PTGES3L: variants seen among roughly 807,000 people sequenced by gnomAD.
PTGES3L encodes the protein putative protein PTGES3L.
PTGES3L carries 17 observed loss-of-function variants against 25.0 expected under a neutral mutation model. That is an observed-to-expected ratio of 0.68 (90% CI 0.47 to 1.02). The LOEUF (loss-of-function observed/expected upper bound fraction) is 1.02. Ranked by LOEUF, PTGES3L falls within the 50% of genes least tolerant of loss-of-function variation. The pLI is 0.00. For missense variants in PTGES3L, 202 were observed against 197.5 expected (o/e 1.02, Z -0.14); for synonymous variants, 59 against 65.7 (o/e 0.90, Z 0.50).
chr17:42,979,600 C>T lies in PTGES3L; in HGVS notation c.72G>A (p.Glu24=). The change falls in exon 2 of 7, where the codon GAG becomes GAA. Residue 24 remains glutamate (E), a synonymous_variant. Coordinates refer to ENST00000591916, the MANE Select transcript of PTGES3L (RefSeq NM_001261430.2). The part of the protein sequence containing the change: ...PRYVFMEFCV[E]DSTDVHVLIE... Reference sequence around the variant, plus strand: ...TAAGCACGTGGACATCGGTGCTGTCCTCAACACAAAACTCCATGAACACAT... The same window carrying T: ...TAAGCACGTGGACATCGGTGCTGTCTTCAACACAAAACTCCATGAACACAT... 1 of 1,614,160 alleles carries T rather than the reference C, an allele frequency of 6.2e-7. No individual in the cohort carries two copies. Among genetic ancestry groups the T allele is most frequent in the Non-Finnish European group, 8.5e-7 (1 of 1,180,028 alleles).
chr17:42,975,849 G>A (rs977130355), intron 4 of PTGES3L, among the ~76,000 whole-genome samples: 2 of 150,922 alleles, frequency 1.3e-5, no homozygotes, highest in African/African-American at 2.4e-5. Flanking sequence ...GCTAACTTTC[G>A]TATTTTTAGT....
At position 42,979,087 on chromosome 17, in the gene PTGES3L, T is replaced by C. The variant is rs544026566; in HGVS notation, c.288+83A>G. On this transcript the variant is annotated intron_variant, in intron 4 of 6. Coordinates refer to ENST00000591916, the MANE Select transcript of PTGES3L (RefSeq NM_001261430.2). The stretch of plus-strand genomic sequence containing the variant: ...GCAGGACTTGTTGAGTGATTGAATA[T>C]TGGCTGGAAAGGAGGCAAGGACAAT... The C allele has an allele frequency of 4.2e-6, 6 of 1,426,638 alleles. No homozygotes were observed. In the African/African-American group the frequency reaches 8.4e-5, roughly 20 times the overall value. The allele number at this position is 1,426,638 out of a possible 1,614,324, so 88.4% of individuals were successfully genotyped here.
At chr17:42,979,950 G>A (rs926279241) in intron 1 of PTGES3L, 96 bp downstream of exon 1, 2 of 1,463,622 alleles carry the variant, frequency 1.4e-6, no homozygotes, top group Admixed American at 2.6e-5. Flanking sequence ...CGGGGCTCCC[G>A]TGGGGCCTCA....
At chr17:42,978,027 C>T (rs1325636668) in intron 4 of PTGES3L, among the ~76,000 whole-genome samples, 1 of 118,052 alleles carries the variant, frequency 8.5e-6, no homozygotes, top group East Asian at 3.0e-4. Context: ...TAGTGAGCTG[C>T]GATCATGCCA....
At chr17:42,971,146 A>G (rs1054029423) in intron 5 of PTGES3L, among the ~76,000 whole-genome samples, 2 of 152,098 alleles carry the variant, frequency 1.3e-5, no homozygotes. Flanking sequence ...AAAAAAATAC[A>G]AAAATTATCC....
chr17:42,978,077 CAAAAAAAAAAAAAA>C (rs368420097), intron 4 of PTGES3L, among the ~76,000 whole-genome samples: 3 of 47,402 alleles, frequency 6.3e-5, no homozygotes, highest in Admixed American at 7.8e-4. Context: ...AACTCCGAAT[CAAAAAAAAAAAAAA>C]AAAAAAAAAC....
rs2050031667 is a variant in PTGES3L at position 42,979,448 on chromosome 17, A to G, written c.123-4T>C. 6.2e-7 allele frequency: 1 copy of G among 1,614,186 alleles called. No homozygotes were observed. The highest frequency in any genetic ancestry group is 8.5e-7 in the Non-Finnish European group (1 of 1,180,038). On this transcript the variant is annotated splice_region_variant and splice_polypyrimidine_tract_variant and intron_variant, in intron 2 of 6. Transcript: ENST00000591916. Reference sequence around the variant, plus strand: ...CACTCCATCGGCATTCTTGCAGCTGAGGAGACAATGAAGCTGAGGAGATGC... The same window carrying G: ...CACTCCATCGGCATTCTTGCAGCTGGGGAGACAATGAAGCTGAGGAGATGC...
Position 42,972,485 on chromosome 17 carries a change from G to A in PTGES3L, c.289-789C>T, listed in dbSNP as rs1165569132. On this transcript the variant is annotated intron_variant, in intron 4 of 6. Transcript: ENST00000591916. ...GTGCCTGCGATTGCAGGCACGCACC[G>A]CCACGCCTGACTGGTTTTGGTGGAG... Among the ~76,000 whole-genome samples, 11 of 152,126 alleles carry A rather than the reference G, an allele frequency of 7.2e-5. No individual in the cohort carries two copies. In the South Asian group the frequency reaches 1.9e-3, roughly 26 times the overall value.
At chr17:42,979,974 G>A (rs2050045743) in intron 1 of PTGES3L, 72 bp downstream of exon 1, 14 of 1,492,780 alleles carry the variant, frequency 9.4e-6, no homozygotes, top group East Asian at 2.5e-5. Flanking sequence ...AACCTGGAGC[G>A]CCCAGAAGAC....
intron 4 of PTGES3L, among the ~76,000 whole-genome samples, chr17:42,978,787 A>G (rs1329011481): frequency 6.6e-6 from 1 of 152,096 alleles, no homozygotes; most frequent in Non-Finnish European, 1.5e-5. Flanking sequence ...GATCACCTGA[A>G]GTCGGGAGTT....
chr17:42,970,189 G>C (rs1007235206), intron 6 of PTGES3L, 100 bp downstream of exon 6: 25 of 1,428,910 alleles, frequency 1.7e-5, no homozygotes, highest in Non-Finnish European at 2.4e-5. Flanking sequence ...AACAGGCACT[G>C]AGAACTACTG....
At chr17:42,977,723 A>G (rs1483951916) in intron 4 of PTGES3L, among the ~76,000 whole-genome samples, 1 of 152,076 alleles carries the variant, frequency 6.6e-6, no homozygotes, top group Non-Finnish European at 1.5e-5. Flanking sequence ...AAAAGAAAGA[A>G]TAAGACTCAT....
chr17:42,971,415 A>G (rs893475949), intron 5 of PTGES3L, among the ~76,000 whole-genome samples, 192 bp downstream of exon 5: 1 of 152,224 alleles, frequency 6.6e-6, no homozygotes, highest in Non-Finnish European at 1.5e-5. Flanking sequence ...AATTTCAATA[A>G]TATTCTTTCC....
At chr17:42,977,971 G>A (rs1172992691) in intron 4 of PTGES3L, among the ~76,000 whole-genome samples, 1 of 151,044 alleles carries the variant, frequency 6.6e-6, no homozygotes, top group African/African-American at 2.4e-5. Context: ...ACAGCTACTC[G>A]GGAGACTGAG....
chr17:42,969,483 G>T (rs985200612), intron 6 of PTGES3L, among the ~76,000 whole-genome samples: 1 of 139,840 alleles, frequency 7.2e-6, no homozygotes, highest in Non-Finnish European at 1.5e-5. Context: ...TCTCAGCTCA[G>T]TGCAACCTCT....
At chr17:42,979,074 G>C (rs1271311900) in intron 4 of PTGES3L, 96 bp downstream of exon 4, 2 of 1,252,642 alleles carry the variant, frequency 1.6e-6, no homozygotes, top group Non-Finnish European at 2.3e-6. Context: ...AGGACTTGTT[G>C]AGTGATTGAA....
Position 42,979,242 on chromosome 17 carries a change from G to A in PTGES3L, c.216C>T (p.Arg72=), listed in dbSNP as rs761354740. The change falls in exon 4 of 7, where the codon CGC becomes CGT. Residue 72 remains arginine (R), a synonymous_variant. Coordinates refer to ENST00000591916, the MANE Select transcript of PTGES3L (RefSeq NM_001261430.2). ...ATTTTCTCACAAAACAAGTAATAGA[G>A]CGGGAAGAGCGCTTATCCTGGGAGT... is the stretch of plus-strand genomic sequence containing the variant. ...SKDSQDKRSS[R]SITCFVRKWK... 6.2e-7 allele frequency: 1 copy of A among 1,613,986 alleles called. No individual in the cohort carries two copies. Among genetic ancestry groups the A allele is most frequent in the Non-Finnish European group, 8.5e-7 (1 of 1,180,024 alleles).
Position 42,968,754 on chromosome 17 carries a change from G to A in PTGES3L, c.*394C>T, listed in dbSNP as rs1597732407. ...AGTTCCTAGAGATTTATTATAATCTGTTTCTTCTTTGGCTTTTTGCTTTGC... is the reference window on the plus strand; with the variant it reads ...AGTTCCTAGAGATTTATTATAATCTATTTCTTCTTTGGCTTTTTGCTTTGC... On this transcript the variant is annotated 3_prime_UTR_variant, in exon 7 of 7. Transcript: ENST00000591916. The A allele has an allele frequency of 1.2e-5, 2 of 170,632 alleles. No individual in the cohort carries two copies. The highest frequency in any genetic ancestry group is 4.7e-5 in the African/African-American group (2 of 42,134). The allele number at this position is 170,632 out of a possible 1,614,324, so 10.6% of individuals were successfully genotyped here.
intron 4 of PTGES3L, among the ~76,000 whole-genome samples, chr17:42,973,592 G>T (rs1217969631): frequency 6.6e-6 from 1 of 151,606 alleles, no homozygotes; most frequent in African/African-American, 2.4e-5. Flanking sequence ...TCGGATGGTT[G>T]CCGTGTCTGT....
Sources: allele counts gnomAD v4.1 joint callset (sites outside exome capture counted in the v4.1 genomes callset), GRCh38; gene constraint gnomAD v4.1.1; transcripts MANE v1.5; gene names NCBI Gene and HGNC (gene_info 2026-07-23, HGNC 2026-07-21).